DENND5B: variants seen among roughly 807,000 people sequenced by gnomAD.
DENND5B encodes DENN domain-containing protein 5B.
In DENND5B, 34 loss-of-function variants were observed where a neutral mutation model predicts 140.6. The ratio of observed to expected loss-of-function variants is 0.24; its 90% CI spans 0.18 to 0.32. The LOEUF (loss-of-function observed/expected upper bound fraction) is 0.32, where lower values mean the gene tolerates loss of function less well. DENND5B is among the 10% of genes least tolerant of loss of function. DENND5B has a pLI of 1.00. For synonymous variants in DENND5B, 551 were observed against 562.1 expected (o/e 0.98, Z 0.28); for missense variants, 1,142 against 1,560.2 (o/e 0.73, Z 4.52).
At chr12:31,473,692 C>A (rs1945661736) in intron 3 of DENND5B, among the ~76,000 whole-genome samples, 1 of 152,118 alleles carries the variant, frequency 6.6e-6, no homozygotes, top group South Asian at 2.1e-4. Context: ...TTTAAAGTGC[C>A]CCTATGACTG....
chr12:31,512,385 ATTTTT>A (rs58455943), intron 1 of DENND5B, among the ~76,000 whole-genome samples: 10 of 142,242 alleles, frequency 7.0e-5, no homozygotes, highest in Non-Finnish European at 9.1e-5. Flanking sequence ...CCCCTGGCTA[ATTTTT>A]TTTTTTTTTT....
intron 1 of DENND5B, among the ~76,000 whole-genome samples, chr12:31,585,471 T>C (rs1480385328): frequency 6.6e-6 from 1 of 152,224 alleles, no homozygotes; most frequent in African/African-American, 2.4e-5. Context: ...GACTATGACA[T>C]TCAGTCTGGA....
chr12:31,442,820 G>C lies in DENND5B; in HGVS notation c.1967C>G (p.Pro656Arg). ...GQGKYEQGFF[P>R]KLQSDVLATG... ...TGCCAAGACATCGGACTGTAACTTT[G>C]GAAAGAACCCCTGCTCATATTTGCC... The change falls in exon 7 of 21, where the codon CCA (proline) becomes CGA (arginine). Residue 656 changes from proline to arginine, a missense_variant. Transcript: ENST00000389082. The C allele has an allele frequency of 6.2e-7, 1 of 1,613,598 alleles. No homozygotes were observed. Among genetic ancestry groups the C allele is most frequent in the East Asian group, 2.2e-5 (1 of 44,864 alleles).
chr12:31,422,093 G>C (rs1000144004), intron 11 of DENND5B, among the ~76,000 whole-genome samples: 3 of 151,908 alleles, frequency 2.0e-5, no homozygotes, highest in Non-Finnish European at 4.4e-5. Context: ...TGCCCTCTAG[G>C]GGCAGTGAGG....
intron 14 of DENND5B, among the ~76,000 whole-genome samples, chr12:31,408,292 C>T (rs1942249438): frequency 6.6e-6 from 1 of 151,566 alleles, no homozygotes; most frequent in South Asian, 2.1e-4. Flanking sequence ...GAGCCAGACA[C>T]CATCTCAAAA....
intron 1 of DENND5B, among the ~76,000 whole-genome samples, chr12:31,533,833 T>G (rs1325745362): frequency 6.6e-6 from 1 of 151,880 alleles, no homozygotes; most frequent in Non-Finnish European, 1.5e-5. Context: ...CCTAGCTAAC[T>G]GCTTTCCTAA....
chr12:31,588,508 T>C (rs1950479892), intron 1 of DENND5B, among the ~76,000 whole-genome samples: 1 of 152,238 alleles, frequency 6.6e-6, no homozygotes. Flanking sequence ...ACTTCTTTTC[T>C]TGTCATTATT....
chr12:31,414,958 C>CA (rs1394368783), intron 12 of DENND5B, among the ~76,000 whole-genome samples: 2 of 146,124 alleles, frequency 1.4e-5, no homozygotes, highest in Non-Finnish European at 3.0e-5. Context: ...TACTAAAAAT[C>CA]AAAAAAATTA....
At chr12:31,470,358 C>T (rs571720799) in intron 3 of DENND5B, among the ~76,000 whole-genome samples, 1 of 152,118 alleles carries the variant, frequency 6.6e-6, no homozygotes, top group South Asian at 2.1e-4. Context: ...AGGTGATCCA[C>T]CCACCTCGGC....
chr12:31,534,338 T>G (rs1468547710), intron 1 of DENND5B, among the ~76,000 whole-genome samples: 1 of 152,048 alleles, frequency 6.6e-6, no homozygotes, highest in Non-Finnish European at 1.5e-5. Flanking sequence ...TATTTTTATT[T>G]TTACTTTTAT....
At position 31,426,419 on chromosome 12, in the gene DENND5B, A is replaced by G. The variant is rs560350770; in HGVS notation, c.2112T>C (p.Tyr704=). Residue 704 remains tyrosine (Y), a synonymous_variant, in exon 9 of 21, where the codon TAT becomes TAC. Coordinates refer to ENST00000389082, the MANE Select transcript of DENND5B (RefSeq NM_144973.4). ...VGLDNDLREK[Y]MQEARSLGKN... ...TTCCTAAACTTCGTGCCTCTTGCAT[A>G]TATTTCTAAAAAATCAAGGAGTATT... 31 of 1,609,326 alleles carry G rather than the reference A, an allele frequency of 1.9e-5. No homozygotes were observed. The highest frequency in any genetic ancestry group is 1.8e-4 in the East Asian group (8 of 44,830).
intron 1 of DENND5B, among the ~76,000 whole-genome samples, chr12:31,536,736 A>G (rs1331931776): frequency 2.0e-5 from 3 of 152,206 alleles, no homozygotes; most frequent in African/African-American, 7.2e-5. Flanking sequence ...AGAAGATTAC[A>G]GAACACCAAG....
chr12:31,430,656 T>C (rs898822927), intron 8 of DENND5B, among the ~76,000 whole-genome samples: 5 of 152,074 alleles, frequency 3.3e-5, no homozygotes, highest in African/African-American at 4.8e-5. Context: ...GGAGACTCCG[T>C]CTCAAAAACA....
chr12:31,488,784 G>A (rs986950962), intron 2 of DENND5B, among the ~76,000 whole-genome samples: 2 of 152,016 alleles, frequency 1.3e-5, no homozygotes, highest in Non-Finnish European at 2.9e-5. Context: ...TGTTTATCAC[G>A]GTATTAAACA....
intron 1 of DENND5B, among the ~76,000 whole-genome samples, chr12:31,573,982 A>G (rs1565709622): frequency 6.6e-6 from 1 of 151,034 alleles, no homozygotes; most frequent in Non-Finnish European, 1.5e-5. Flanking sequence ...AAAAAAAAAA[A>G]GGCACAGTGG....
intron 1 of DENND5B, among the ~76,000 whole-genome samples, chr12:31,551,280 T>C (rs1272498419): frequency 1.1e-4 from 16 of 152,222 alleles, no homozygotes. Flanking sequence ...TTTCCACATA[T>C]GGCTAGCCAG....
At chr12:31,404,571 G>A (rs867471732) in intron 14 of DENND5B, among the ~76,000 whole-genome samples, 11 of 149,508 alleles carry the variant, frequency 7.4e-5, no homozygotes, top group African/African-American at 2.0e-4. Context: ...CTCCAGCCTC[G>A]GCCTCCCAAG....
At chr12:31,527,713 G>T (rs561593308) in intron 1 of DENND5B, among the ~76,000 whole-genome samples, 1 of 152,258 alleles carries the variant, frequency 6.6e-6, no homozygotes, top group East Asian at 1.9e-4. Flanking sequence ...GGGAGGTGGA[G>T]GTTGCAGTGA....
intron 11 of DENND5B, among the ~76,000 whole-genome samples, chr12:31,420,356 CA>C (rs1458292978): frequency 6.6e-6 from 1 of 152,018 alleles, no homozygotes; most frequent in Non-Finnish European, 1.5e-5. Context: ...CAGCTGGTCT[CA>C]AACTCCTGGG....
Sources: allele counts gnomAD v4.1 joint callset (sites outside exome capture counted in the v4.1 genomes callset), GRCh38; gene constraint gnomAD v4.1.1; transcripts MANE v1.5; gene names NCBI Gene and HGNC (gene_info 2026-07-23, HGNC 2026-07-21).